Variants in PRICKLE2 observed in about 807,000 individuals in gnomAD.
PRICKLE2 encodes prickle planar cell polarity protein 2.
Under a neutral mutation model 81.4 loss-of-function variants are expected in PRICKLE2, and 21 were observed. The observed-to-expected ratio is 0.26, with a 90% CI of 0.18 to 0.37. The LOEUF (loss-of-function observed/expected upper bound fraction) is 0.37, where lower values mean the gene tolerates loss of function less well. Ranked by LOEUF, PRICKLE2 falls within the 10% of genes least tolerant of loss-of-function variation. PRICKLE2 has a pLI of 1.00. For synonymous variants in PRICKLE2, 456 were observed against 421.5 expected, an observed-to-expected ratio of 1.08 and a Z score of -1.00; for missense variants, 940 against 1,109.0, an observed-to-expected ratio of 0.85 and a Z score of 2.16.
At chr3:64,267,959 G>T (rs975492960) in intron 2 of PRICKLE2, 1 of 152,318 alleles carries the variant, frequency 6.6e-6, no homozygotes, top group African/African-American at 2.4e-5. Context: ...GAAACTGCGG[G>T]GGAGCCGGGG....
At chr3:64,127,921 C>G (rs1040315730) in intron 7 of PRICKLE2, among the ~76,000 whole-genome samples, 2 of 152,110 alleles carry the variant, frequency 1.3e-5, no homozygotes, top group African/African-American at 4.8e-5. Context: ...GCAGCAGGCA[C>G]TGATTAAACC....
At chr3:64,181,445 A>G (rs1314692528) in intron 2 of PRICKLE2, among the ~76,000 whole-genome samples, 1 of 152,200 alleles carries the variant, frequency 6.6e-6, no homozygotes, top group Admixed American at 6.5e-5. Flanking sequence ...TTAGGTGGTT[A>G]GCCAACAACA....
rs577990728 is a variant in PRICKLE2 at position 64,252,994 on chromosome 3, A to T, written c.129-54027T>A. Among the ~76,000 whole-genome samples, 3 of 152,332 alleles carry T rather than the reference A, an allele frequency of 2.0e-5. No individual in the cohort carries two copies. In the South Asian group the frequency reaches 6.2e-4, roughly 32 times the overall value. ...CATAATTTGCATACCATTGGATTAG[A>T]TGATCTATGAGTACCTTCCAGTTCC... On this transcript the variant is annotated intron_variant, in intron 2 of 8. Coordinates refer to the PRICKLE2 transcript ENST00000295902.
chr3:64,211,265 T>C (rs1341455801), intron 1 of PRICKLE2, among the ~76,000 whole-genome samples: 1 of 152,204 alleles, frequency 6.6e-6, no homozygotes, highest in African/African-American at 2.4e-5. Context: ...GGCAGTCAAC[T>C]TCATTTATTA....
chr3:64,214,830 A>C (rs1212419376), intron 1 of PRICKLE2, among the ~76,000 whole-genome samples: 1 of 152,158 alleles, frequency 6.6e-6, no homozygotes, highest in Non-Finnish European at 1.5e-5. Context: ...AGCAACGCCT[A>C]CACACTTTTA....
intron 2 of PRICKLE2, among the ~76,000 whole-genome samples, chr3:64,182,196 T>C (rs1414626529): frequency 6.6e-6 from 1 of 152,086 alleles, no homozygotes; most frequent in African/African-American, 2.4e-5. Context: ...TAAAGAGGGC[T>C]TGTGGCCAGG....
intron 7 of PRICKLE2, chr3:64,145,530 T>A (rs1305922089): frequency 1.3e-5 from 2 of 151,716 alleles, no homozygotes; most frequent in Non-Finnish European, 2.9e-5. Context: ...CTGGCCAACA[T>A]CAGTCTTCCC....
chr3:64,260,188 T>C (rs2079596573), intron 2 of PRICKLE2, among the ~76,000 whole-genome samples: 1 of 152,064 alleles, frequency 6.6e-6, no homozygotes, highest in Admixed American at 6.5e-5. Context: ...GCCTCAGAAC[T>C]CTCTTGTGAG....
At chr3:64,209,512 A>T (rs951442453) in intron 1 of PRICKLE2, among the ~76,000 whole-genome samples, 13 of 151,278 alleles carry the variant, frequency 8.6e-5, no homozygotes, top group Admixed American at 8.5e-4. Flanking sequence ...CCATCCATTC[A>T]TATCTGTAAA....
chr3:64,163,192 T>A, intron 2 of PRICKLE2, 63 bp from the exon 3 acceptor site: 6 of 958,750 alleles, frequency 6.3e-6, no homozygotes, highest in Non-Finnish European at 1.0e-5. Context: ...TATTCCCACT[T>A]ACTGGGAAGA....
intron 2 of PRICKLE2, among the ~76,000 whole-genome samples, chr3:64,191,223 C>T (rs1433158375): frequency 1.3e-5 from 2 of 152,218 alleles, no homozygotes; most frequent in East Asian, 3.9e-4. Flanking sequence ...TTCTCCATCT[C>T]CACGTAACCT....
intron 3 of PRICKLE2, 26 bp from the exon 4 acceptor site, chr3:64,160,103 G>T (rs1293722086): frequency 6.2e-7 from 1 of 1,611,664 alleles, no homozygotes; most frequent in Admixed American, 1.7e-5. Context: ...CAATGGCATG[G>T]AAAAAGTCAC....
Position 64,147,227 on chromosome 3 carries a change from C to T in PRICKLE2, c.1263G>A (p.Gln421=). Residue 421 remains glutamine (Q), a synonymous_variant, in exon 7 of 8, where the codon CAG becomes CAA. Coordinates refer to ENST00000638394, the MANE Select transcript of PRICKLE2 (RefSeq NM_198859.4). This position sits in a 1 kb window ranked among gnomAD's most constrained non-coding sequence, Gnocchi z 5.0. The stretch of plus-strand genomic sequence containing the variant: ...GACTGTAGGAAGTTCTGATGTTGCA[C>T]TGGCTGAGGAGCTGCAGAGGGCTCT... ...QTQSPLQLLS[Q]CNIRTSYSPG... is the part of the protein sequence containing the mutation. The T allele has an allele frequency of 1.9e-6, 3 of 1,609,460 alleles. No homozygotes were observed. Among genetic ancestry groups the T allele is most frequent in the South Asian group, 1.1e-5 (1 of 90,538 alleles).
intron 2 of PRICKLE2, among the ~76,000 whole-genome samples, chr3:64,168,329 A>G (rs2077869875): frequency 6.6e-6 from 1 of 152,176 alleles, no homozygotes; most frequent in Non-Finnish European, 1.5e-5. Flanking sequence ...AATTGTCTTG[A>G]GCCACACATA....
At chr3:64,121,846 G>T (rs908062410) in intron 7 of PRICKLE2, among the ~76,000 whole-genome samples, 1 of 152,130 alleles carries the variant, frequency 6.6e-6, no homozygotes, top group Non-Finnish European at 1.5e-5. Flanking sequence ...AGAAAAGAAT[G>T]ACTGGCTCGG....
intron 5 of PRICKLE2, chr3:64,154,299 G>C (rs547873504): frequency 9.2e-5 from 14 of 152,174 alleles, no homozygotes; most frequent in Admixed American, 7.9e-4. Flanking sequence ...CAGCACTTTG[G>C]GAGGCCGAGG....
At position 64,101,414 on chromosome 3, in the gene PRICKLE2, T is replaced by C. The variant is rs549448568; in HGVS notation, c.1661-1489A>G. 8.5e-5 allele frequency: 13 copies of C among 152,258 alleles called. No homozygotes were observed. The South Asian group carries it at 2.5e-3, about 29-fold the overall frequency. 9.4% of individuals were successfully genotyped at this position (152,258 alleles called of 1,614,324 possible). A position where few individuals can be genotyped will look rare whatever the true frequency, so the allele number is the denominator to read the frequency against. ...CAATTCCAGGATAAAGGCAAGGAAA[T>C]TAAAAGAACCAGGATCTTGTTATGC... On this transcript the variant is annotated intron_variant, in intron 7 of 7. Coordinates refer to ENST00000638394, the MANE Select transcript of PRICKLE2 (RefSeq NM_198859.4).
intron 2 of PRICKLE2, among the ~76,000 whole-genome samples, chr3:64,198,438 TC>T (rs2078504334): frequency 6.6e-6 from 1 of 151,998 alleles, no homozygotes; most frequent in Admixed American, 6.6e-5. Context: ...TAAAAGAGCT[TC>T]TTAAACAACA....
intron 2 of PRICKLE2, among the ~76,000 whole-genome samples, chr3:64,184,935 C>T (rs1444655455): frequency 2.0e-5 from 3 of 152,206 alleles, no homozygotes; most frequent in African/African-American, 4.8e-5. Flanking sequence ...TCTCAACACA[C>T]GTAGAATTGC....
Sources: allele counts gnomAD v4.1 joint callset (sites outside exome capture counted in the v4.1 genomes callset), GRCh38; gene constraint gnomAD v4.1.1; non-coding constraint Gnocchi (gnomAD v3.1); transcripts MANE v1.5; gene names NCBI Gene and HGNC (gene_info 2026-07-23, HGNC 2026-07-21).